The following ARNT variants were observed in gnomAD, a reference collection of about 807,000 sequenced individuals.
ARNT encodes aryl hydrocarbon receptor nuclear translocator.
In ARNT, 30 loss-of-function variants were observed where a neutral mutation model predicts 105.0. The observed-to-expected ratio is 0.29, with a 90% CI of 0.21 to 0.39. The LOEUF (loss-of-function observed/expected upper bound fraction) is 0.39, where lower values mean the gene tolerates loss of function less well. Among genes scored for constraint, ARNT ranks in the 10% least tolerant of loss-of-function variants. The pLI, the probability that ARNT is intolerant of heterozygous loss-of-function variation, is 1.00. For synonymous variants in ARNT, 304 were observed against 344.0 expected, an observed-to-expected ratio of 0.88 and a Z score of 1.29; for missense variants, 748 against 978.7, an observed-to-expected ratio of 0.76 and a Z score of 3.15.
Position 150,816,312 on chromosome 1 carries a change from G to T in ARNT, c.1897C>A (p.Gln633Lys). ...GGGGTCCAAGTTGGGGTTGCTCCTT[G>T]GGTGGGGTTGGAGTGGCGGGAAATC... is the stretch of plus-strand genomic sequence containing the variant. ...AQISRHSNPT[Q>K]GATPTWTPTT... Residue 633 changes from glutamine (Q) to lysine (K), a missense_variant, in exon 19 of 22, where the codon CAA becomes AAA. By Grantham distance (53) the Gln-to-Lys change is moderately conservative. Around this residue, in one of 4 missense-constraint regions of ARNT, gnomAD observed 360 missense variants for 411.9 expected, o/e 0.87. Coordinates refer to ENST00000358595, the MANE Select transcript of ARNT (RefSeq NM_001668.4). 1 of 1,606,934 alleles carries T rather than the reference G, an allele frequency of 6.2e-7. No homozygotes were observed. The highest frequency in any genetic ancestry group is 1.7e-4 in the Middle Eastern group (1 of 6,042).
chr1:150,819,890 A>G (rs980767733), intron 14 of ARNT, among the ~76,000 whole-genome samples: 1 of 152,240 alleles, frequency 6.6e-6, no homozygotes, highest in Non-Finnish European at 1.5e-5. Context: ...AAAACACTGT[A>G]TACTTTAAAT....
chr1:150,846,449 C>T (rs960238011), intron 3 of ARNT, 142 bp from the exon 4 acceptor site: 1 of 756,138 alleles, frequency 1.3e-6, no homozygotes, highest in East Asian at 2.7e-5. Context: ...GAAATAACAG[C>T]AGCACCCCAT....
At chr1:150,832,995 T>C (rs2101865715) in intron 8 of ARNT, among the ~76,000 whole-genome samples, 1 of 152,344 alleles carries the variant, frequency 6.6e-6, no homozygotes, top group African/African-American at 2.4e-5. Flanking sequence ...TGTGTCATGC[T>C]CTGTTCTAAA....
At chr1:150,836,682 CAT>C (rs1660386192) in intron 6 of ARNT, among the ~76,000 whole-genome samples, 189 bp from the exon 7 acceptor site, 1 of 152,178 alleles carries the variant, frequency 6.6e-6, no homozygotes, top group Non-Finnish European at 1.5e-5. Flanking sequence ...TTTTCTAATA[CAT>C]GTTTCCTCAC....
At chr1:150,812,532 T>C (rs1357192511) in intron 21 of ARNT, 1 of 156,722 alleles carries the variant, frequency 6.4e-6, no homozygotes, top group Non-Finnish European at 1.4e-5. Flanking sequence ...TCAGGACTTG[T>C]GTAAATAGAC....
Position 150,836,274 on chromosome 1 carries a change from T to C in ARNT, c.700+6A>G, listed in dbSNP as rs1462703025. 1 of 1,613,702 alleles carries C rather than the reference T, an allele frequency of 6.2e-7. No individual in the cohort carries two copies. The highest frequency in any genetic ancestry group is 1.7e-5 in the Admixed American group (1 of 60,016). ...CTCATTCATTTCCCATACACATAAC[T>C]CTCACCTGTCAGGGCATTTTCTGAA... On this transcript the variant is annotated splice_donor_region_variant and intron_variant, in intron 7 of 21. Transcript: ENST00000358595.
intron 1 of ARNT, among the ~76,000 whole-genome samples, chr1:150,866,968 G>A (rs1222896177): frequency 2.6e-5 from 4 of 152,154 alleles, no homozygotes; most frequent in African/African-American, 9.7e-5. Flanking sequence ...CACTGTGGGA[G>A]GCCAAGGCAG....
At chr1:150,822,733 C>T (rs914181751) in intron 14 of ARNT, among the ~76,000 whole-genome samples, 1 of 152,164 alleles carries the variant, frequency 6.6e-6, no homozygotes, top group East Asian at 1.9e-4. Flanking sequence ...TCATGGGAGA[C>T]AGCTGGTCAG....
At chr1:150,870,526 G>T (rs1275645282) in intron 1 of ARNT, among the ~76,000 whole-genome samples, 3 of 151,964 alleles carry the variant, frequency 2.0e-5, no homozygotes, top group Non-Finnish European at 2.9e-5. Flanking sequence ...TTGAGACAGG[G>T]TCTCACTCTG....
At chr1:150,831,731 C>G in intron 10 of ARNT, 87 bp downstream of exon 10, 1 of 818,400 alleles carries the variant, frequency 1.2e-6, no homozygotes, top group Non-Finnish European at 2.0e-6. Flanking sequence ...ATTTCATATA[C>G]CAGGTATATA....
In ARNT at chr1:150,811,935, C is replaced by G. The variant is rs1321749892; in HGVS notation, c.*86G>C. 1.2e-5 allele frequency: 13 copies of G among 1,114,590 alleles called. No individual in the cohort carries two copies. Among genetic ancestry groups the G allele is most frequent in the Non-Finnish European group, 1.6e-5 (13 of 818,188 alleles). 69.0% of individuals were successfully genotyped at this position (1,114,590 alleles called of 1,614,324 possible). A position where few individuals can be genotyped will look rare whatever the true frequency, so the allele number is the denominator to read the frequency against. Reference sequence around the variant, plus strand: ...GGTGAGGGAAGGGAAGGGAGAGGAACTTTTATTCTGTTTACAGAAAGATTT... The same window carrying G: ...GGTGAGGGAAGGGAAGGGAGAGGAAGTTTTATTCTGTTTACAGAAAGATTT... On this transcript the variant is annotated 3_prime_UTR_variant, in exon 22 of 22. Coordinates refer to ENST00000358595, the MANE Select transcript of ARNT (RefSeq NM_001668.4).
intron 3 of ARNT, among the ~76,000 whole-genome samples, chr1:150,851,643 CA>C (rs1429741159): frequency 6.6e-6 from 1 of 152,152 alleles, no homozygotes; most frequent in African/African-American, 2.4e-5. Flanking sequence ...CTTTGTTAAA[CA>C]GATGCTTGAA....
chr1:150,822,938 A>G (rs148355447), intron 14 of ARNT, among the ~76,000 whole-genome samples: 9 of 152,228 alleles, frequency 5.9e-5, no homozygotes, highest in Non-Finnish European at 1.3e-4. Flanking sequence ...TTTTTTTGAA[A>G]TGGAGTCTCG....
intron 9 of ARNT, 127 bp downstream of exon 9, chr1:150,832,207 G>A: frequency 1.0e-6 from 1 of 952,692 alleles, no homozygotes; most frequent in Non-Finnish European, 1.7e-6. Context: ...GGTAAGGGAT[G>A]TTAAGTGGGA....
At chr1:150,812,855 T>A (rs934471007) in intron 21 of ARNT, among the ~76,000 whole-genome samples, 2 of 152,194 alleles carry the variant, frequency 1.3e-5, no homozygotes, top group Non-Finnish European at 2.9e-5. Context: ...TCACACTCAA[T>A]TCATACTCCT....
chr1:150,859,051 C>T (rs1366922434), intron 1 of ARNT, among the ~76,000 whole-genome samples: 1 of 150,908 alleles, frequency 6.6e-6, no homozygotes, highest in Non-Finnish European at 1.5e-5. Flanking sequence ...TAACAATATA[C>T]TAATATTGTA....
rs2101463376 is a variant in ARNT at position 150,810,833 on chromosome 1, A to G, written c.*1188T>C. ...AAAACCCAATCTCAAGATTGGAGGG[A>G]GCAAAGAGGAAAAACCTCTTAGGGC... On this transcript the variant is annotated 3_prime_UTR_variant, in exon 22 of 22. Coordinates refer to ENST00000358595, the MANE Select transcript of ARNT (RefSeq NM_001668.4). The G allele has an allele frequency of 4.5e-6, 1 of 222,700 alleles. No homozygotes were observed. The highest frequency in any genetic ancestry group is 2.2e-5 in the African/African-American group (1 of 44,800). The allele number at this position is 222,700 out of a possible 1,614,324, so 13.8% of individuals were successfully genotyped here. A position where few individuals can be genotyped will look rare whatever the true frequency, so the allele number is the denominator to read the frequency against.
Position 150,810,227 on chromosome 1 carries a change from C to G in ARNT, c.*1794G>C, listed in dbSNP as rs1037987239. 3 of 232,666 alleles carry G rather than the reference C, an allele frequency of 1.3e-5. No individual in the cohort carries two copies. The Admixed American group carries it at 1.7e-4, about 13-fold the overall frequency. 14.4% of individuals were successfully genotyped at this position (232,666 alleles called of 1,614,324 possible). A position where few individuals can be genotyped will look rare whatever the true frequency, so the allele number is the denominator to read the frequency against. On this transcript the variant is annotated 3_prime_UTR_variant, in exon 22 of 22. Transcript: ENST00000358595. ...AAAACAAAACAGTCAAAAATAAAAC[C>G]CTGAAGGAAAAGCAAAAACAAAACC...
In ARNT at chr1:150,848,858, A is replaced by T. The variant is rs186441310; in HGVS notation, c.183-2551T>A. ...GAAATTTCTGTAATAAAATACACTT[A>T]TATTACTTTCCCAATTAAAGAAAAA... is the stretch of plus-strand genomic sequence containing the variant. On this transcript the variant is annotated intron_variant, in intron 3 of 21. Transcript: ENST00000358595. Among the ~76,000 whole-genome samples the T allele has an allele frequency of 2.1e-3, 324 of 152,286 alleles. 2 individuals carry two copies. Among genetic ancestry groups the T allele is most frequent in the Admixed American group, 4.1e-3 (63 of 15,286 alleles).
Sources: allele counts gnomAD v4.1 joint callset (sites outside exome capture counted in the v4.1 genomes callset), GRCh38; gene constraint gnomAD v4.1.1; regional missense constraint gnomAD v4.1.1; transcripts MANE v1.5; gene names NCBI Gene and HGNC (gene_info 2026-07-23, HGNC 2026-07-21).